Variants in SPMIP3 observed in about 807,000 individuals in gnomAD.
SPMIP3 encodes the protein sperm microtubule inner protein 3.
the SPMIP3 span, chr1:244,364,702 T>C: frequency 6.2e-7 from 1 of 1,614,092 alleles, no homozygotes. Flanking sequence ...CCATCCATCA[T>C]GACTGCCATC....
At chr1:244,368,417 G>A in the SPMIP3 span, among the ~76,000 whole-genome samples, 4 of 152,302 alleles carry the variant, frequency 2.6e-5, no homozygotes, top group East Asian at 3.9e-4. Context: ...ACCAAGGCAC[G>A]GTGTGGTTAA....
chr1:244,376,841 G>A, the SPMIP3 span, among the ~76,000 whole-genome samples: 1 of 150,652 alleles, frequency 6.6e-6, no homozygotes, highest in Non-Finnish European at 1.5e-5. Context: ...ATGGAGTCTC[G>A]CTCTTGTTGC....
the SPMIP3 span, among the ~76,000 whole-genome samples, chr1:244,379,964 CAAAA>C: frequency 2.7e-5 from 4 of 145,812 alleles, no homozygotes; most frequent in Non-Finnish European, 6.0e-5. Flanking sequence ...GCAAAACTGT[CAAAA>C]AAAAAAAAAT....
chr1:244,360,511 C>T, the SPMIP3 span, among the ~76,000 whole-genome samples: 653 of 30,094 alleles, frequency 0.022, 2 homozygotes, highest in Middle Eastern at 0.044. Context: ...ACGTGATATA[C>T]ACACACACAC....
the SPMIP3 span, among the ~76,000 whole-genome samples, chr1:244,388,095 T>C: frequency 6.6e-6 from 1 of 152,012 alleles, no homozygotes; most frequent in South Asian, 2.1e-4. Flanking sequence ...GCCCGGCTAA[T>C]TTTGTGTATT....
the SPMIP3 span, among the ~76,000 whole-genome samples, chr1:244,354,331 G>A: frequency 9.1e-4 from 135 of 148,684 alleles, 1 homozygote; most frequent in African/African-American, 3.1e-3. Context: ...ACTTGGCATT[G>A]TACTGGGAGT....
At chr1:244,385,806 A>C in the SPMIP3 span, among the ~76,000 whole-genome samples, 5 of 152,146 alleles carry the variant, frequency 3.3e-5, no homozygotes, top group Non-Finnish European at 7.4e-5. Flanking sequence ...TATATCACTG[A>C]GATTAATTTC....
the SPMIP3 span, among the ~76,000 whole-genome samples, chr1:244,365,333 G>C: frequency 1.3e-5 from 2 of 152,282 alleles, no homozygotes; most frequent in Middle Eastern, 3.4e-3. Context: ...GACCTGGTGG[G>C]AGGTAACTGA....
the SPMIP3 span, among the ~76,000 whole-genome samples, chr1:244,374,019 A>G: frequency 1.3e-5 from 2 of 152,150 alleles, no homozygotes; most frequent in Non-Finnish European, 2.9e-5. Context: ...AGGCTGAGGC[A>G]GGAGAATCAC....
the SPMIP3 span, among the ~76,000 whole-genome samples, chr1:244,365,719 C>A: frequency 1.3e-5 from 2 of 152,148 alleles, no homozygotes; most frequent in Admixed American, 1.3e-4. Context: ...ACACTCACTG[C>A]AGAATCCAAG....
chr1:244,361,910 T>G, the SPMIP3 span, among the ~76,000 whole-genome samples: 22 of 152,296 alleles, frequency 1.4e-4, no homozygotes, highest in Non-Finnish European at 2.9e-4. Context: ...TGAAGTAAAC[T>G]CCAGTCACGA....
At chr1:244,382,634 T>G in the SPMIP3 span, among the ~76,000 whole-genome samples, 2 of 147,520 alleles carry the variant, frequency 1.4e-5, no homozygotes, top group Admixed American at 6.9e-5. Flanking sequence ...GACGGAGTGT[T>G]GCTCTGTTGC....
chr1:244,353,845 C>T, the SPMIP3 span, among the ~76,000 whole-genome samples: 2 of 152,144 alleles, frequency 1.3e-5, no homozygotes, highest in East Asian at 3.9e-4. Context: ...TAACTCATTG[C>T]TGCGAGCCCT....
chr1:244,370,567 C>T, the SPMIP3 span, among the ~76,000 whole-genome samples: 1 of 152,328 alleles, frequency 6.6e-6, no homozygotes, highest in Admixed American at 6.5e-5. Context: ...ACTGGAGGCA[C>T]AGCAGAGCTT....
the SPMIP3 span, among the ~76,000 whole-genome samples, chr1:244,372,645 G>A: frequency 0.022 from 3,300 of 152,074 alleles, 134 homozygotes; most frequent in African/African-American, 0.072. Context: ...GGGTTTCACC[G>A]CGTTAGCCAG....
chr1:244,360,549 CACACACACATGCAT>C, the SPMIP3 span, among the ~76,000 whole-genome samples: 351 of 58,018 alleles, frequency 6.0e-3, 7 homozygotes, highest in Middle Eastern at 0.015. Context: ...CACACACACA[CACACACACATGCAT>C]GCATGGAATA....
the SPMIP3 span, among the ~76,000 whole-genome samples, chr1:244,383,585 T>G: frequency 6.6e-6 from 1 of 152,232 alleles, no homozygotes; most frequent in South Asian, 2.1e-4. Context: ...TATAGGAGCA[T>G]ATAGTAAGTC....
chr1:244,373,016 C>T, the SPMIP3 span, among the ~76,000 whole-genome samples: 5 of 152,164 alleles, frequency 3.3e-5, no homozygotes, highest in South Asian at 2.1e-4. Context: ...ATCAGAGCTT[C>T]GTCATGTCCC....
the SPMIP3 span, among the ~76,000 whole-genome samples, chr1:244,369,514 C>T: frequency 0.35 from 53,328 of 151,956 alleles, 11,203 homozygotes; most frequent in Non-Finnish European, 0.49. Context: ...GACGTGAACA[C>T]ACAAGGAGTG....
Sources: gnomAD v4.1 joint callset for allele counts (sites outside exome capture counted in the v4.1 genomes callset) on GRCh38, gnomAD v4.1.1 for gene constraint, MANE v1.5 for transcripts, NCBI Gene and HGNC (gene_info 2026-07-23, HGNC 2026-07-21) for gene names.